Variants in PCDHA1 observed in about 807,000 individuals in gnomAD.
PCDHA1 encodes the protein protocadherin alpha 1.
In PCDHA1, 42 loss-of-function variants were observed where a neutral mutation model predicts 61.3. That is an observed-to-expected ratio of 0.69 (90% confidence interval 0.54 to 0.89). PCDHA1 has a LOEUF of 0.89. Among genes scored for constraint, PCDHA1 ranks in the 40% least tolerant of loss-of-function variants. The probability of loss-of-function intolerance (pLI) is 0.00; values close to 1 mark genes in which losing one functional copy is unlikely to be tolerated. For synonymous variants in PCDHA1, 610 were observed against 553.8 expected, an observed-to-expected ratio of 1.10 and a Z score of -1.43; for missense variants, 1,256 against 1,235.3, an observed-to-expected ratio of 1.02 and a Z score of -0.25.
At chr5:140,999,784 T>C (rs1176844844) in intron 3 of PCDHA1, among the ~76,000 whole-genome samples, 1 of 152,202 alleles carries the variant, frequency 6.6e-6, no homozygotes, top group African/African-American at 2.4e-5. Context: ...AACCTAGAAA[T>C]GGCAGAGTTA....
intron 1 of PCDHA1, chr5:140,870,081 T>G (rs782572380): frequency 1.2e-6 from 2 of 1,613,698 alleles, no homozygotes. Context: ...ATAAGGGGAC[T>G]CCCCCAATGG....
intron 1 of PCDHA1, among the ~76,000 whole-genome samples, chr5:140,819,901 A>G (rs1442413808): frequency 6.6e-6 from 1 of 152,008 alleles, no homozygotes; most frequent in Non-Finnish European, 1.5e-5. Context: ...TGCAGATTAC[A>G]ATGTACACAT....
intron 1 of PCDHA1, chr5:140,823,781 T>A (rs2150129137): frequency 1.2e-6 from 2 of 1,613,800 alleles, no homozygotes; most frequent in Non-Finnish European, 1.7e-6. Context: ...GTGTCGCTGG[T>A]GGAAAGTGGC....
At chr5:140,850,606 T>G (rs2150490821) in intron 1 of PCDHA1, 6 of 1,598,534 alleles carry the variant, frequency 3.8e-6, no homozygotes, top group Non-Finnish European at 5.1e-6. Flanking sequence ...ATCATCGCCA[T>G]CTGCGCGGTG....
intron 1 of PCDHA1, among the ~76,000 whole-genome samples, chr5:140,844,305 T>C (rs1779315965): frequency 1.3e-5 from 2 of 149,704 alleles, no homozygotes; most frequent in Non-Finnish European, 3.0e-5. Context: ...ATAGTTTTCA[T>C]ATTCTTCCTA....
rs2150395241 is a variant in PCDHA1, at chr5:140,846,875, G to A, written c.2394+58191G>A. Among the ~76,000 whole-genome samples the A allele has an allele frequency of 4.0e-5, 6 of 149,568 alleles. 1 individual carries two copies. Among genetic ancestry groups the A allele is most frequent in the Non-Finnish European group, 7.5e-5 (5 of 66,912 alleles). On this transcript the variant is annotated intron_variant, in intron 1 of 3. Transcript: ENST00000504120. ...CAAGATAATGTAACAGGTACAAGAG[G>A]TAAATCAGAATGACGTTGAAGTTGA... is the stretch of plus-strand genomic sequence containing the variant.
At chr5:140,880,415 G>T (rs1481227492) in intron 1 of PCDHA1, among the ~76,000 whole-genome samples, 1 of 152,202 alleles carries the variant, frequency 6.6e-6, no homozygotes, top group Non-Finnish European at 1.5e-5. Context: ...GACCTTAAAA[G>T]CGGGAACAGT....
Position 140,787,549 on chromosome 5 carries a change from T to C in PCDHA1, c.1259T>C (p.Val420Ala), listed in dbSNP as rs939733761. Reference protein sequence around the residue: ...DSALDRESLSVYELVVTARDG... With the variant: ...DSALDRESLSAYELVVTARDG... ...GCCCTGGATCGCGAGAGCCTGTCGG[T>C]CTATGAGCTGGTGGTGACCGCGCGG... The change falls in exon 1 of 4, where the codon GTC (valine) becomes GCC (alanine). Residue 420 changes from valine to alanine, a missense_variant. By Grantham distance (64) the Val-to-Ala change is moderately conservative (BLOSUM62 0). Coordinates refer to ENST00000504120, the MANE Select transcript of PCDHA1 (RefSeq NM_018900.4). The C allele has an allele frequency of 6.2e-7, 1 of 1,614,186 alleles. No homozygotes were observed. The highest frequency in any genetic ancestry group is 8.5e-7 in the Non-Finnish European group (1 of 1,180,014).
chr5:140,966,753 C>G, intron 1 of PCDHA1: 3 of 1,433,176 alleles, frequency 2.1e-6, no homozygotes, highest in South Asian at 1.5e-5. Flanking sequence ...CTGCCTCCGC[C>G]GCGGCCAGTG....
chr5:140,930,072 C>G (rs2086579078), intron 1 of PCDHA1: 1 of 152,132 alleles, frequency 6.6e-6, no homozygotes, highest in Admixed American at 6.5e-5. Flanking sequence ...AACTGTAAGC[C>G]TCTCTCATAA....
intron 1 of PCDHA1, among the ~76,000 whole-genome samples, chr5:140,886,663 T>G (rs1164928390): frequency 6.6e-6 from 1 of 151,786 alleles, no homozygotes; most frequent in Non-Finnish European, 1.5e-5. Flanking sequence ...CTGTCTCTAC[T>G]AAAAATACAA....
intron 1 of PCDHA1, chr5:140,864,284 T>C (rs573508000): frequency 1.3e-5 from 2 of 152,220 alleles, no homozygotes; most frequent in Non-Finnish European, 2.9e-5. Flanking sequence ...CCTTATTGTT[T>C]TTATGTATTC....
At chr5:140,942,382 A>C (rs1341028342) in intron 1 of PCDHA1, among the ~76,000 whole-genome samples, 2 of 152,102 alleles carry the variant, frequency 1.3e-5, no homozygotes, top group African/African-American at 4.8e-5. Context: ...ACTGCATTCC[A>C]GCCTGGGCGA....
chr5:140,911,760 A>T (rs1295639313), intron 1 of PCDHA1, among the ~76,000 whole-genome samples: 1 of 151,962 alleles, frequency 6.6e-6, no homozygotes, highest in Non-Finnish European at 1.5e-5. Flanking sequence ...TCTCCATACT[A>T]TTAGAAGTAC....
intron 2 of PCDHA1, among the ~76,000 whole-genome samples, chr5:140,981,529 G>A (rs1014315292): frequency 3.9e-5 from 6 of 152,196 alleles, no homozygotes; most frequent in East Asian, 1.9e-4. Flanking sequence ...AGCTGAGATC[G>A]TGCCACTGTA....
At chr5:140,793,857 A>G (rs1022198296) in intron 1 of PCDHA1, among the ~76,000 whole-genome samples, 2 of 152,254 alleles carry the variant, frequency 1.3e-5, no homozygotes, top group African/African-American at 4.8e-5. Context: ...CATTATCCAA[A>G]TGAGAAACAA....
intron 1 of PCDHA1, among the ~76,000 whole-genome samples, chr5:140,820,340 A>G (rs2150106662): frequency 6.0e-4 from 91 of 152,142 alleles, no homozygotes; most frequent in African/African-American, 2.1e-3. Flanking sequence ...AATTCCAGAA[A>G]TCAAGTGAAT....
intron 1 of PCDHA1, among the ~76,000 whole-genome samples, chr5:140,945,317 A>C (rs1322598969): frequency 1.3e-5 from 2 of 152,150 alleles, no homozygotes; most frequent in Non-Finnish European, 2.9e-5. Context: ...AAATAAATGG[A>C]AATATATTTT....
Position 140,885,214 on chromosome 5 carries a change from T to A in PCDHA1, c.2395-93735T>A, listed in dbSNP as rs550824585. On this transcript the variant is annotated intron_variant, in intron 1 of 3. Coordinates refer to ENST00000504120, the MANE Select transcript of PCDHA1 (RefSeq NM_018900.4). ...CCCCTCTCATATATCCCATGAAAAATATCTTGTGATTCTGCTTTCAATTTT... is the reference window on the plus strand; with the variant it reads ...CCCCTCTCATATATCCCATGAAAAAAATCTTGTGATTCTGCTTTCAATTTT... Among the ~76,000 whole-genome samples the A allele has an allele frequency of 2.8e-3, 423 of 152,168 alleles. 2 individuals carry two copies. The highest frequency in any genetic ancestry group is 0.014 in the Middle Eastern group (4 of 294).
Sources: gnomAD v4.1 joint callset for allele counts (sites outside exome capture counted in the v4.1 genomes callset) on GRCh38, gnomAD v4.1.1 for gene constraint, MANE v1.5 for transcripts, NCBI Gene and HGNC (gene_info 2026-07-23, HGNC 2026-07-21) for gene names.